DAPK1: variants seen among roughly 807,000 people sequenced by gnomAD.
The protein encoded by DAPK1 is death-associated protein kinase 1.
Under a neutral mutation model 144.9 loss-of-function variants are expected in DAPK1, and 56 were observed. That is an observed-to-expected ratio of 0.39 (90% CI 0.31 to 0.48). The LOEUF is 0.48. Ranked by LOEUF, DAPK1 falls within the 20% of genes least tolerant of loss-of-function variation. The pLI, the probability that DAPK1 is intolerant of heterozygous loss-of-function variation, is 0.95. For synonymous variants in DAPK1, 690 were observed against 749.0 expected (o/e 0.92, Z 1.29); for missense variants, 1,454 against 1,875.4 (o/e 0.78, Z 4.15).
intron 19 of DAPK1, among the ~76,000 whole-genome samples, chr9:87,680,023 G>A (rs1003432612): frequency 2.0e-4 from 30 of 151,796 alleles, no homozygotes; most frequent in African/African-American, 6.8e-4. Context: ...CCTCTTAATT[G>A]ATTAGGGTAA....
At chr9:87,571,489 A>C (rs1827347561) in intron 2 of DAPK1, among the ~76,000 whole-genome samples, 1 of 44,566 alleles carries the variant, frequency 2.2e-5, no homozygotes, top group Non-Finnish European at 3.9e-5. Flanking sequence ...ACACACACAC[A>C]CACACCCCAA....
chr9:87,518,099 G>GGTT (rs763027342), intron 2 of DAPK1, among the ~76,000 whole-genome samples: 4 of 126,046 alleles, frequency 3.2e-5, no homozygotes, highest in African/African-American at 1.4e-4. Flanking sequence ...TGCCGTTTAT[G>GGTT]TTGTTGTTTT....
At chr9:87,567,296 A>G (rs1441279749) in intron 2 of DAPK1, among the ~76,000 whole-genome samples, 1 of 152,118 alleles carries the variant, frequency 6.6e-6, no homozygotes, top group East Asian at 1.9e-4. Context: ...TCCTCGACTC[A>G]GCTGATAGGC....
chr9:87,561,860 G>T (rs527376849), intron 2 of DAPK1, among the ~76,000 whole-genome samples: 1 of 152,252 alleles, frequency 6.6e-6, no homozygotes, highest in Admixed American at 6.5e-5. Context: ...CCCTCCTTAG[G>T]GTGTCAACCA....
chr9:87,647,621 C>T (rs990408864), intron 14 of DAPK1, among the ~76,000 whole-genome samples: 4 of 152,154 alleles, frequency 2.6e-5, no homozygotes, highest in East Asian at 1.9e-4. Flanking sequence ...TGCCATAATA[C>T]GCACGCATTG....
chr9:87,520,246 T>C (rs1267337441), intron 2 of DAPK1, among the ~76,000 whole-genome samples: 5 of 152,074 alleles, frequency 3.3e-5, no homozygotes, highest in African/African-American at 1.2e-4. Flanking sequence ...TGTAAACGGA[T>C]TGATGGAAAA....
rs1201641002 is a variant in DAPK1 at position 87,576,149 on chromosome 9, TACACGTACAC to T, written c.63-28798_63-28789del. Among the ~76,000 whole-genome samples the T allele has an allele frequency of 4.6e-5, 7 of 152,322 alleles. No homozygotes were observed. The East Asian group carries it at 1.4e-3, about 29-fold the overall frequency. On this transcript the variant is annotated intron_variant, in intron 2 of 25. Coordinates refer to ENST00000408954, the MANE Select transcript of DAPK1 (RefSeq NM_004938.4). ...TGGACTTTGATGAGTTCATTCTTCA[TACACGTACAC>T]ACACGTGCACACACGCATGCACACA...
intron 2 of DAPK1, among the ~76,000 whole-genome samples, chr9:87,536,071 T>G (rs1464203442): frequency 1.3e-5 from 2 of 152,210 alleles, no homozygotes; most frequent in African/African-American, 4.8e-5. Flanking sequence ...GCTGATTCAT[T>G]TATGTTCTTT....
At chr9:87,675,896 C>CACACACACACACACACACACACA (rs1554702840) in intron 19 of DAPK1, among the ~76,000 whole-genome samples, 26 of 141,564 alleles carry the variant, frequency 1.8e-4, no homozygotes, top group African/African-American at 4.9e-4. Context: ...CACACACACA[C>CACACACACACACACACACACACA]CCTTATGACC....
chr9:87,691,685 T>A (rs1424171529), intron 21 of DAPK1, among the ~76,000 whole-genome samples: 6 of 152,084 alleles, frequency 3.9e-5, no homozygotes, highest in African/African-American at 1.4e-4. Flanking sequence ...GTGCTTTGAT[T>A]TTCATTTGTT....
chr9:87,593,804 T>C (rs1828222037), intron 2 of DAPK1, among the ~76,000 whole-genome samples: 1 of 152,238 alleles, frequency 6.6e-6, no homozygotes, highest in South Asian at 2.1e-4. Context: ...TCATTCCTTA[T>C]GGTCCAGTTA....
intron 2 of DAPK1, among the ~76,000 whole-genome samples, chr9:87,541,357 C>T (rs891897259): frequency 3.3e-5 from 5 of 151,988 alleles, no homozygotes; most frequent in African/African-American, 1.2e-4. Flanking sequence ...AGACCAGCCT[C>T]GCCAACATGA....
chr9:87,634,720 T>G (rs1829828857), intron 3 of DAPK1, among the ~76,000 whole-genome samples: 1 of 152,120 alleles, frequency 6.6e-6, no homozygotes. Context: ...CAGTGCCGTG[T>G]CAATCCCAGC....
At chr9:87,645,094 A>G (rs947841652) in intron 11 of DAPK1, among the ~76,000 whole-genome samples, 3 of 152,212 alleles carry the variant, frequency 2.0e-5, no homozygotes, top group African/African-American at 7.2e-5. Flanking sequence ...GCCTCTGTAG[A>G]TTAACTTTTC....
intron 2 of DAPK1, among the ~76,000 whole-genome samples, chr9:87,589,973 C>A (rs968094232): frequency 2.6e-5 from 4 of 152,140 alleles, no homozygotes; most frequent in Non-Finnish European, 4.4e-5. Flanking sequence ...AATCTATATC[C>A]GTTTCCATTC....
chr9:87,538,091 A>G (rs1825922427), intron 2 of DAPK1, among the ~76,000 whole-genome samples: 1 of 152,196 alleles, frequency 6.6e-6, no homozygotes, highest in Non-Finnish European at 1.5e-5. Context: ...TACAATCTCA[A>G]TGTCATTGTT....
intron 1 of DAPK1, chr9:87,498,537 C>T (rs1458656980): frequency 4.2e-6 from 1 of 237,282 alleles, no homozygotes; most frequent in Non-Finnish European, 8.0e-6. Context: ...CGAGAGGTGG[C>T]GCGGGGGTGC....
At chr9:87,667,494 G>A (rs760612527) in intron 18 of DAPK1, among the ~76,000 whole-genome samples, 1 of 152,220 alleles carries the variant, frequency 6.6e-6, no homozygotes, top group Non-Finnish European at 1.5e-5. Context: ...GCACAAGACA[G>A]GCCCAGCAAC....
intron 2 of DAPK1, among the ~76,000 whole-genome samples, chr9:87,599,051 A>C (rs1409515520): frequency 6.6e-6 from 1 of 152,208 alleles, no homozygotes; most frequent in East Asian, 1.9e-4. Context: ...CTTTCCCCTC[A>C]CAAAACACTT....
Sources: gnomAD v4.1 joint callset for allele counts (sites outside exome capture counted in the v4.1 genomes callset) on GRCh38, gnomAD v4.1.1 for gene constraint, MANE v1.5 for transcripts, NCBI Gene and HGNC (gene_info 2026-07-23, HGNC 2026-07-21) for gene names.